MAP3K19: variants seen among roughly 807,000 people sequenced by gnomAD.
MAP3K19 encodes SPS1/STE20-related protein kinase YSK4.
Under a neutral mutation model 114.4 loss-of-function variants are expected in MAP3K19, and 91 were observed. That is an observed-to-expected ratio of 0.80 (90% CI 0.67 to 0.95). MAP3K19 has a LOEUF of 0.95. Among genes scored for constraint, MAP3K19 ranks in the 40% least tolerant of loss-of-function variants. MAP3K19 has a pLI of 0.00. For synonymous variants in MAP3K19, 518 were observed against 530.5 expected, an observed-to-expected ratio of 0.98 and a Z score of 0.32; for missense variants, 1,471 against 1,573.2, an observed-to-expected ratio of 0.94 and a Z score of 1.10.
intron 11 of MAP3K19, 98 bp from the exon 12 acceptor site, chr2:134,981,616 C>A: frequency 2.1e-6 from 2 of 938,546 alleles, no homozygotes; most frequent in Non-Finnish European, 3.2e-6. Context: ...TCTTTCTAAA[C>A]CCTTGTCTTT....
chr2:134,999,912 T>C lies in MAP3K19; in HGVS notation c.314+25A>G, dbSNP rs1559167509. ...ATTGCTTCATACTTCATTTCAAATC[T>C]GATACTTCAAAGAATATTCCTTACT... On this transcript the variant is annotated intron_variant, in intron 7 of 12. Transcript: ENST00000392915. The surrounding 1 kb of genome is among the most constrained non-coding windows in gnomAD (Gnocchi z 4.1). 6.8e-7 allele frequency: 1 copy of C among 1,465,084 alleles called. No individual in the cohort carries two copies. The highest frequency in any genetic ancestry group is 9.6e-7 in the Non-Finnish European group (1 of 1,044,548). The allele number at this position is 1,465,084 out of a possible 1,614,324, so 90.8% of individuals were successfully genotyped here. A position where few individuals can be genotyped will look rare whatever the true frequency, so the allele number is the denominator to read the frequency against.
chr2:135,001,120 G>A (rs1573990700), intron 6 of MAP3K19, among the ~76,000 whole-genome samples: 1 of 150,460 alleles, frequency 6.6e-6, no homozygotes, highest in Non-Finnish European at 1.5e-5. Context: ...TGAAACAAGT[G>A]CATTAAAAAA....
At chr2:135,030,064 G>C (rs1415243759) in intron 3 of MAP3K19, among the ~76,000 whole-genome samples, 1 of 152,150 alleles carries the variant, frequency 6.6e-6, no homozygotes, top group Non-Finnish European at 1.5e-5. Context: ...CATTTCCCAG[G>C]GGTGTTGTGT....
chr2:135,023,541 T>C (rs1321035657), intron 4 of MAP3K19: 1 of 533,256 alleles, frequency 1.9e-6, no homozygotes, highest in Non-Finnish European at 3.8e-6. Context: ...TTGTTGGTTG[T>C]ATTTCCATCT....
At chr2:134,971,387 T>C (rs1683871942) in intron 12 of MAP3K19, among the ~76,000 whole-genome samples, 1 of 152,170 alleles carries the variant, frequency 6.6e-6, no homozygotes, top group African/African-American at 2.4e-5. Context: ...TCTTTTTTTG[T>C]GGTTTTCGCA....
chr2:135,044,310 G>A lies in MAP3K19; in HGVS notation c.-424+2875C>T, dbSNP rs569069535. ...CTACTGCCCAAAAAGATGTAATGGA[G>A]CCAGGCGCAGTGGCTCATACTTGTA... is the stretch of plus-strand genomic sequence containing the variant. On this transcript the variant is annotated intron_variant, in intron 1 of 12. Transcript: ENST00000392915. Among the ~76,000 whole-genome samples the A allele has an allele frequency of 2.2e-4, 34 of 152,286 alleles. No homozygotes were observed. The South Asian group carries it at 6.2e-3, about 28-fold the overall frequency.
At chr2:135,001,305 T>C (rs1436527267) in intron 6 of MAP3K19, among the ~76,000 whole-genome samples, 3 of 152,238 alleles carry the variant, frequency 2.0e-5, no homozygotes, top group Non-Finnish European at 4.4e-5. Context: ...TGTTTTCTAA[T>C]ACTATACAAT....
chr2:135,022,433 C>T (rs947199933), intron 4 of MAP3K19, among the ~76,000 whole-genome samples: 5 of 152,184 alleles, frequency 3.3e-5, no homozygotes, highest in Non-Finnish European at 7.3e-5. Flanking sequence ...CAGACTTCTA[C>T]TGGTGGAAGA....
intron 2 of MAP3K19, among the ~76,000 whole-genome samples, chr2:135,032,312 G>T (rs1469871064): frequency 6.8e-6 from 1 of 147,706 alleles, no homozygotes; most frequent in Non-Finnish European, 1.5e-5. Context: ...AGCTGAGATT[G>T]CACCACTGCA....
chr2:135,015,879 G>A (rs4482542), intron 5 of MAP3K19, among the ~76,000 whole-genome samples: 17,503 of 150,844 alleles, frequency 0.12, 1,291 homozygotes, highest in South Asian at 0.32. Flanking sequence ...GCAACAGAGC[G>A]AGCCTCCATC....
At chr2:135,028,494 G>A (rs992044792) in intron 3 of MAP3K19, among the ~76,000 whole-genome samples, 3 of 151,180 alleles carry the variant, frequency 2.0e-5, no homozygotes, top group African/African-American at 7.3e-5. Context: ...GAAAGTCGAG[G>A]CTGCAGTGAG....
chr2:134,980,946 A>G lies in MAP3K19; in HGVS notation c.3795T>C (p.Pro1265=). ...CCATCCTGTCCATGGAAGCCAGTGG[A>G]GGCTTCCCTGTAGCCATCTCAAACA... ...CTVFEMATGK[P]PLASMDRMAA... Residue 1265 remains proline (P), a synonymous_variant, in exon 12 of 13, where the codon CCT becomes CCC. Transcript: ENST00000392915. 2 of 1,614,052 alleles carry G rather than the reference A, an allele frequency of 1.2e-6. No individual in the cohort carries two copies. Among genetic ancestry groups the G allele is most frequent in the South Asian group, 1.1e-5 (1 of 91,086 alleles).
intron 3 of MAP3K19, among the ~76,000 whole-genome samples, chr2:135,029,476 C>T (rs1688332674): frequency 6.6e-6 from 1 of 152,166 alleles, no homozygotes; most frequent in Admixed American, 6.5e-5. Flanking sequence ...ATTTCTAAGC[C>T]TCAGTTCGTG....
At chr2:135,004,064 G>A (rs1480546459) in intron 6 of MAP3K19, among the ~76,000 whole-genome samples, 1 of 152,190 alleles carries the variant, frequency 6.6e-6, no homozygotes, top group Non-Finnish European at 1.5e-5. Flanking sequence ...TAACTTAGTG[G>A]AGATGCCTCA....
rs1685230839 is a variant in MAP3K19, at chr2:134,987,500, C to T, written c.1372G>A (p.Gly458Ser). The T allele has an allele frequency of 6.2e-7, 1 of 1,614,162 alleles. No homozygotes were observed. The highest frequency in any genetic ancestry group is 2.2e-5 in the East Asian group (1 of 44,884). ...ATGTTTGTCTCCATGCTGCTACAAC[C>T]TTCTGGGAGTTTATCAATGGGGTCA... ...FDDPIDKLPE[G>S]CSSMETNIKI... Residue 458 changes from glycine to serine, a missense_variant, in exon 10 of 13, where the codon GGT (glycine) becomes AGT (serine). Coordinates refer to ENST00000392915, the MANE Select transcript of MAP3K19 (RefSeq NM_025052.5).
chr2:134,981,922 C>T (rs2105201449), intron 11 of MAP3K19, among the ~76,000 whole-genome samples: 1 of 134,118 alleles, frequency 7.5e-6, no homozygotes, highest in South Asian at 2.4e-4. Flanking sequence ...GACAGGGTCT[C>T]ACTCTGTTGC....
intron 5 of MAP3K19, among the ~76,000 whole-genome samples, chr2:135,019,552 T>A (rs985157559): frequency 6.6e-6 from 1 of 152,140 alleles, no homozygotes; most frequent in African/African-American, 2.4e-5. Context: ...GTCAGGAGGC[T>A]GAGGTAGGAG....
intron 1 of MAP3K19, among the ~76,000 whole-genome samples, chr2:135,045,113 G>A (rs1688713965): frequency 6.6e-6 from 1 of 152,196 alleles, no homozygotes; most frequent in African/African-American, 2.4e-5. Flanking sequence ...TCTGGGGCAA[G>A]TGGGTCGAAT....
At chr2:134,964,944 A>T (rs773033630) in intron 12 of MAP3K19, 28 bp from the exon 13 acceptor site, 1 of 1,557,666 alleles carries the variant, frequency 6.4e-7, no homozygotes, top group South Asian at 1.1e-5. Flanking sequence ...CATTAGAAGC[A>T]GCAGCACTCA....
Sources: allele counts gnomAD v4.1 joint callset (sites outside exome capture counted in the v4.1 genomes callset), GRCh38; gene constraint gnomAD v4.1.1; non-coding constraint Gnocchi (gnomAD v3.1); transcripts MANE v1.5; gene names NCBI Gene and HGNC (gene_info 2026-07-23, HGNC 2026-07-21).